DIAPH2: variants seen among roughly 807,000 people sequenced by gnomAD.
DIAPH2 encodes diaphanous related formin 2, also known as protein diaphanous homolog 2.
A neutral mutation model predicts 92.7 loss-of-function variants in DIAPH2; 35 were observed. That is an observed-to-expected ratio of 0.38 (90% CI 0.29 to 0.50). The LOEUF (loss-of-function observed/expected upper bound fraction) is 0.50, where lower values mean the gene tolerates loss of function less well. Ranked by LOEUF, DIAPH2 falls within the 20% of genes least tolerant of loss-of-function variation. DIAPH2 has a pLI of 0.94. For missense variants in DIAPH2, 701 were observed against 819.5 expected (o/e 0.86, Z 1.77); for synonymous variants, 301 against 280.4 (o/e 1.07, Z -0.73).
chrX:97,433,269 G>A (rs1484365081), intron 26 of DIAPH2, among the ~76,000 whole-genome samples: 1 of 110,981 alleles, frequency 9.0e-6, no homozygotes, highest in Non-Finnish European at 1.9e-5. Flanking sequence ...CCAGCACTTT[G>A]GGAGGCTGAG....
intron 17 of DIAPH2, among the ~76,000 whole-genome samples, chrX:96,991,400 G>A (rs1053274553): frequency 1.8e-5 from 2 of 110,710 alleles, no homozygotes; most frequent in African/African-American, 6.6e-5. Context: ...TTACAGGCAT[G>A]AGCCACCGTG....
intron 24 of DIAPH2, among the ~76,000 whole-genome samples, chrX:97,379,532 A>G (rs1416336182): frequency 8.9e-6 from 1 of 112,400 alleles, no homozygotes; most frequent in Admixed American, 9.5e-5. Flanking sequence ...TGTGGAAACT[A>G]AAGCTCAAAG....
In DIAPH2 at chrX:96,997,903, T is replaced by C. The variant is rs192218836; in HGVS notation, c.2050+32696T>C. Among the ~76,000 whole-genome samples the C allele has an allele frequency of 1.4e-4, 16 of 112,349 alleles. No individual in the cohort carries two copies. The East Asian group carries it at 4.2e-3, about 29-fold the overall frequency. ...TTATTTGAAAAGATATTTCAGTGGATAGCATAAACATTAAAGGTGAGGTGG... is the reference window on the plus strand; with the variant it reads ...TTATTTGAAAAGATATTTCAGTGGACAGCATAAACATTAAAGGTGAGGTGG... On this transcript the variant is annotated intron_variant, in intron 17 of 26. Coordinates refer to ENST00000324765, the MANE Select transcript of DIAPH2 (RefSeq NM_006729.5).
intron 23 of DIAPH2, among the ~76,000 whole-genome samples, chrX:97,345,998 A>G (rs1010521659): frequency 2.7e-5 from 3 of 112,076 alleles, no homozygotes; most frequent in Non-Finnish European, 5.6e-5. Flanking sequence ...AAATTTATAT[A>G]TAGTGAGATA....
Position 97,600,422 on chromosome X carries a change from G to A in DIAPH2, c.*1105G>A, listed in dbSNP as rs1221299424. The A allele has an allele frequency of 1.8e-5, 2 of 111,131 alleles. No homozygotes were observed. The highest frequency in any genetic ancestry group is 3.8e-5 in the Non-Finnish European group (2 of 53,111). 9.2% of individuals were successfully genotyped at this position (111,131 alleles called of 1,213,427 possible). On this transcript the variant is annotated 3_prime_UTR_variant, in exon 27 of 27. Coordinates refer to ENST00000324765, the MANE Select transcript of DIAPH2 (RefSeq NM_006729.5). ...AAAAAGAAATTTTATGTATGTATGT[G>A]TAAATATGTGTATATATTTCTATCT...
At chrX:97,438,582 G>T (rs1470979352) in intron 26 of DIAPH2, among the ~76,000 whole-genome samples, 1 of 107,611 alleles carries the variant, frequency 9.3e-6, no homozygotes, top group African/African-American at 3.4e-5. Context: ...TTGTCATGCT[G>T]CCCGGGCTGG....
chrX:96,760,696 AG>A (rs1251080016), intron 4 of DIAPH2, among the ~76,000 whole-genome samples: 2 of 111,483 alleles, frequency 1.8e-5, no homozygotes, highest in African/African-American at 6.5e-5. Flanking sequence ...AAAGCAAACA[AG>A]AGTCTTTTGT....
chrX:97,469,851 G>A (rs1221953626), intron 26 of DIAPH2: 5 of 1,117,541 alleles, frequency 4.5e-6, no homozygotes, highest in Middle Eastern at 3.6e-4. Flanking sequence ...CATTTTGTCT[G>A]GTGCTCTTTT....
At chrX:97,098,512 CTA>C (rs1409245450) in intron 19 of DIAPH2, among the ~76,000 whole-genome samples, 1 of 112,806 alleles carries the variant, frequency 8.9e-6, no homozygotes, top group Admixed American at 9.4e-5. Flanking sequence ...ATATTGTTAT[CTA>C]TGTTATGACA....
chrX:97,011,184 ATTCTTCT>A (rs2066222548), intron 17 of DIAPH2, among the ~76,000 whole-genome samples: 1 of 112,506 alleles, frequency 8.9e-6, no homozygotes, highest in African/African-American at 3.2e-5. Flanking sequence ...CACTCAAAGT[ATTCTTCT>A]CTGTAAAAAT....
At chrX:97,143,020 C>T (rs182184390) in intron 22 of DIAPH2, among the ~76,000 whole-genome samples, 1 of 111,465 alleles carries the variant, frequency 9.0e-6, no homozygotes, top group African/African-American at 3.2e-5. Flanking sequence ...GAGTTTGTAT[C>T]GTTTTGTGGT....
At chrX:97,138,500 C>A (rs1258666193) in intron 21 of DIAPH2, among the ~76,000 whole-genome samples, 1 of 111,222 alleles carries the variant, frequency 9.0e-6, no homozygotes, top group Non-Finnish European at 1.9e-5. Flanking sequence ...AGTTATTAAT[C>A]TTTATGTGTA....
At chrX:97,383,104 A>G (rs984410347) in intron 24 of DIAPH2, among the ~76,000 whole-genome samples, 3 of 112,506 alleles carry the variant, frequency 2.7e-5, no homozygotes, top group Non-Finnish European at 5.6e-5. Context: ...TCTAATACCA[A>G]CTACTGGAAT....
At chrX:97,113,894 G>T (rs651310) in intron 20 of DIAPH2, among the ~76,000 whole-genome samples, 1 of 110,186 alleles carries the variant, frequency 9.1e-6, no homozygotes, top group African/African-American at 3.3e-5. Flanking sequence ...ACCTCTCCCC[G>T]ACCTCCCTCC....
chrX:96,895,147 G>A (rs1352867274), intron 5 of DIAPH2, among the ~76,000 whole-genome samples: 1 of 109,807 alleles, frequency 9.1e-6, no homozygotes, highest in Non-Finnish European at 1.9e-5. Flanking sequence ...GGGATTACTG[G>A]CGTGCGCCAC....
intron 9 of DIAPH2, among the ~76,000 whole-genome samples, chrX:96,928,867 A>G (rs938753702): frequency 1.8e-5 from 2 of 111,586 alleles, no homozygotes; most frequent in African/African-American, 6.5e-5. Flanking sequence ...ATATTGAAAC[A>G]TTATTAAAGT....
chrX:97,350,626 A>G (rs1196682322), intron 24 of DIAPH2, among the ~76,000 whole-genome samples: 1 of 112,244 alleles, frequency 8.9e-6, no homozygotes, highest in African/African-American at 3.2e-5. Context: ...TGGTACTGCC[A>G]CTAAAAAGCT....
At chrX:96,757,348 G>A (rs1011692057) in intron 3 of DIAPH2, among the ~76,000 whole-genome samples, 8 of 111,824 alleles carry the variant, frequency 7.2e-5, no homozygotes, top group Admixed American at 5.7e-4. Context: ...CATATGATTT[G>A]TAACCATTTT....
At chrX:96,746,532 C>CTT (rs200924520) in intron 3 of DIAPH2, among the ~76,000 whole-genome samples, 2 of 108,603 alleles carry the variant, frequency 1.8e-5, no homozygotes, top group South Asian at 8.0e-4. Flanking sequence ...TTATTGGTAA[C>CTT]TTTTTTTTTC....
Sources: allele counts gnomAD v4.1 joint callset (sites outside exome capture counted in the v4.1 genomes callset), GRCh38; gene constraint gnomAD v4.1.1; transcripts MANE v1.5; gene names NCBI Gene and HGNC (gene_info 2026-07-23, HGNC 2026-07-21).